The following PLK1 variants were observed in gnomAD, a reference collection of about 807,000 sequenced individuals.
PLK1 encodes serine/threonine-protein kinase PLK1.
In PLK1, 6 loss-of-function variants were observed where a neutral mutation model predicts 56.7. The ratio of observed to expected loss-of-function variants is 0.11; its 90% confidence interval spans 0.06 to 0.21. The LOEUF (loss-of-function observed/expected upper bound fraction) is 0.21. Among genes scored for constraint, PLK1 ranks in the 10% least tolerant of loss-of-function variants. The probability of loss-of-function intolerance (pLI) is 1.00; values close to 1 mark genes in which losing one functional copy is unlikely to be tolerated. For missense variants in PLK1, 546 were observed against 814.4 expected, an observed-to-expected ratio of 0.67 and a Z score of 4.01; for synonymous variants, 298 against 325.0, an observed-to-expected ratio of 0.92 and a Z score of 0.89.
chr16:23,680,557 TC>T (rs1334270765), intron 2 of PLK1, among the ~76,000 whole-genome samples: 1 of 152,196 alleles, frequency 6.6e-6, no homozygotes, highest in Non-Finnish European at 1.5e-5. Flanking sequence ...AAAACAGCTG[TC>T]CCCTTCAGAC....
In PLK1 at chr16:23,683,990, C is replaced by T. The variant is rs145066711; in HGVS notation, c.937C>T (p.Arg313Cys). The change falls in exon 5 of 10, where the codon CGT becomes TGT. Residue 313 changes from arginine to cysteine, a missense_variant. Around this residue, in one of 7 missense-constraint regions of PLK1, gnomAD observed 157 missense variants for 184.0 expected, o/e 0.85. Transcript: ENST00000300093. ...CTTTACTTCTGGCTATATCCCTGCC[C>T]GTCTCCCCATCACCTGCCTGACCAT... ...EFFTSGYIPARLPITCLTIPP... is the reference protein window; with the variant it reads ...EFFTSGYIPACLPITCLTIPP... The T allele has an allele frequency of 2.0e-5, 32 of 1,614,058 alleles. No homozygotes were observed. Among genetic ancestry groups the T allele is most frequent in the South Asian group, 1.1e-5 (1 of 91,086 alleles).
At chr16:23,688,179 TGATGTG>T (rs1284171509) in intron 6 of PLK1, among the ~76,000 whole-genome samples, 1 of 152,250 alleles carries the variant, frequency 6.6e-6, no homozygotes, top group Non-Finnish European at 1.5e-5. Flanking sequence ...CGTAACATTT[TGATGTG>T]TTTGCAACTG....
intron 5 of PLK1, chr16:23,687,045 C>T (rs1959438755): frequency 6.5e-6 from 1 of 153,070 alleles, no homozygotes; most frequent in South Asian, 2.1e-4. Flanking sequence ...GCATATAAAG[C>T]AAATTTTGGG....
Position 23,689,564 on chromosome 16 carries a change from C to A in PLK1, c.1496C>A (p.Pro499Gln). The A allele has an allele frequency of 6.2e-7, 1 of 1,613,686 alleles. No homozygotes were observed. The highest frequency in any genetic ancestry group is 8.5e-7 in the Non-Finnish European group (1 of 1,179,892). The change falls in exon 9 of 10, where the codon CCG (proline) becomes CAG (glutamine). Residue 499 changes from proline (P) to glutamine (Q), a missense_variant. Around this residue, in one of 7 missense-constraint regions of PLK1, gnomAD observed 113 missense variants for 202.0 expected, o/e 0.56. Coordinates refer to ENST00000300093, the MANE Select transcript of PLK1 (RefSeq NM_005030.6). This position sits in a 1 kb window ranked among gnomAD's most constrained non-coding sequence, Gnocchi z 4.8. ...CTGAAGGCAGGTGCCAACATCACGC[C>A]GCGCGAAGGTGATGAGCTCGCCCGG... The part of the protein sequence containing the change: ...HLLKAGANIT[P>Q]REGDELARLP...
intron 1 of PLK1, chr16:23,679,741 G>C (rs963253464): frequency 3.5e-6 from 1 of 282,944 alleles, no homozygotes; most frequent in African/African-American, 2.2e-5. Flanking sequence ...CAGACTTCGG[G>C]CCTTCCGGGG....
intron 4 of PLK1, among the ~76,000 whole-genome samples, chr16:23,683,206 A>G (rs148829409): frequency 0.018 from 2,683 of 151,640 alleles, 81 homozygotes; most frequent in Admixed American, 0.069. Flanking sequence ...GTTAGCCAGG[A>G]TGGTCTCGAT....
Position 23,680,271 on chromosome 16 carries a change from A to G in PLK1, c.577+19A>G, listed in dbSNP as rs2140997524. The G allele has an allele frequency of 2.5e-6, 4 of 1,612,170 alleles. No individual in the cohort carries two copies. In the East Asian group the frequency reaches 6.7e-5, roughly 27 times the overall value. On this transcript the variant is annotated intron_variant, in intron 2 of 9. Transcript: ENST00000300093. Reference sequence around the variant, plus strand: ...AAAATAGGTGAGTTGCTGAGCCTGCAGGGGTGCTTGACATCACTACAAGAG... The same window carrying G: ...AAAATAGGTGAGTTGCTGAGCCTGCGGGGGTGCTTGACATCACTACAAGAG...
At position 23,683,908 on chromosome 16, in the gene PLK1, G is replaced by T; in HGVS notation, c.855G>T (p.Met285Ile). The change falls in exon 5 of 10, where the codon ATG becomes ATT. Residue 285 changes from methionine to isoleucine, a missense_variant. This residue lies in a region of PLK1 where 157 missense variants were observed against 184.0 expected (regional missense o/e 0.85). Coordinates refer to ENST00000300093, the MANE Select transcript of PLK1 (RefSeq NM_005030.6). Reference sequence around the variant, plus strand: ...TGGCCGCCTCCCTCATCCAGAAGATGCTTCAGACAGATCCCACTGCCCGCC... The same window carrying T: ...TGGCCGCCTCCCTCATCCAGAAGATTCTTCAGACAGATCCCACTGCCCGCC... ...NPVAASLIQK[M>I]LQTDPTARPT... 6.2e-7 allele frequency: 1 copy of T among 1,614,100 alleles called. No homozygotes were observed. Among genetic ancestry groups the T allele is most frequent in the East Asian group, 2.2e-5 (1 of 44,880 alleles).
chr16:23,687,036 CA>C (rs1959438642), intron 5 of PLK1: 1 of 152,730 alleles, frequency 6.5e-6, no homozygotes, highest in Non-Finnish European at 1.5e-5. Flanking sequence ...TATAAATAAG[CA>C]TATAAAGCAA....
In PLK1 at chr16:23,679,129, A is replaced by G. The variant is rs1959282738; in HGVS notation, c.197A>G (p.Lys66Arg). The change falls in exon 1 of 10, where the codon AAG becomes AGG. Residue 66 changes from lysine to arginine, a missense_variant. Physicochemically the swap from Lys to Arg is conservative, Grantham distance 26. This residue lies in a region of PLK1 where 111 missense variants were observed against 211.8 expected (regional missense o/e 0.52). Transcript: ENST00000300093. ...TTTTTGGGCAAGGGCGGCTTTGCCAAGTGCTTCGAGATCTCGGACGCGGAC... is the reference window on the plus strand; with the variant it reads ...TTTTTGGGCAAGGGCGGCTTTGCCAGGTGCTTCGAGATCTCGGACGCGGAC... ...GRFLGKGGFA[K>R]CFEISDADTK... The G allele has an allele frequency of 1.1e-5, 17 of 1,612,140 alleles. No individual in the cohort carries two copies. The highest frequency in any genetic ancestry group is 1.3e-5 in the Non-Finnish European group (15 of 1,178,500).
rs762684184 is a variant in PLK1 at position 23,679,247 on chromosome 16, C to T, written c.315C>T (p.His105=). The part of the protein sequence containing the change: ...REKMSMEISI[H]RSLAHQHVVG... ...AGATGTCCATGGAAATATCCATTCA[C>T]CGCAGCCTCGCCCACCAGCACGTCG... The change falls in exon 1 of 10, where the codon CAC becomes CAT. Residue 105 remains histidine (H), a synonymous_variant. Coordinates refer to ENST00000300093, the MANE Select transcript of PLK1 (RefSeq NM_005030.6). 2.0e-5 allele frequency: 33 copies of T among 1,614,032 alleles called. No homozygotes were observed. Among genetic ancestry groups the T allele is most frequent in the Non-Finnish European group, 2.7e-5 (32 of 1,180,036 alleles).
In PLK1 at chr16:23,679,055, G is replaced by A. The variant is rs764715667; in HGVS notation, c.123G>A (p.Pro41=). 5.6e-6 allele frequency: 9 copies of A among 1,607,740 alleles called. No homozygotes were observed. The highest frequency in any genetic ancestry group is 3.4e-6 in the Non-Finnish European group (4 of 1,175,878). ...CGGCTCCACCGGCGAAAGAGATCCCGGAGGTCCTAGTGGACCCACGCAGCC... is the reference window on the plus strand; with the variant it reads ...CGGCTCCACCGGCGAAAGAGATCCCAGAGGTCCTAGTGGACCCACGCAGCC... ...PAAAPPAKEI[P]EVLVDPRSRR... Residue 41 remains proline, a synonymous_variant, in exon 1 of 10, where the codon CCG becomes CCA. Coordinates refer to ENST00000300093, the MANE Select transcript of PLK1 (RefSeq NM_005030.6).
At position 23,678,932 on chromosome 16, in the gene PLK1, C is replaced by T. The variant is rs113428323; in HGVS notation, c.-1C>T. The T allele has an allele frequency of 2.1e-3, 3,281 of 1,526,828 alleles. 62 individuals are homozygous for T. In the African/African-American group the frequency reaches 0.04, roughly 19 times the overall value. 94.6% of individuals were successfully genotyped at this position (1,526,828 alleles called of 1,614,324 possible). On this transcript the variant is annotated 5_prime_UTR_variant, in exon 1 of 10. Transcript: ENST00000300093. ...GAGGTCTGCAGCGCAGCTTCGGGAG[C>T]ATGAGTGCTGCAGTGACTGCAGGGA... is the stretch of plus-strand genomic sequence containing the variant.
rs761542345 is a variant in PLK1 at position 23,684,056 on chromosome 16, A to C, written c.1003A>C (p.Ser335Arg). The change falls in exon 5 of 10, where the codon AGC (serine) becomes CGC (arginine). Residue 335 changes from serine to arginine, a missense_variant. Coordinates refer to ENST00000300093, the MANE Select transcript of PLK1 (RefSeq NM_005030.6). ...FSIAPSSLDPSNRKPLTVLNK... is the reference protein window; with the variant it reads ...FSIAPSSLDPRNRKPLTVLNK... Reference sequence around the variant, plus strand: ...GATTGCTCCCAGCAGCCTGGACCCCAGCAACCGGAAGCCCCTCACAGTCCT... The same window carrying C: ...GATTGCTCCCAGCAGCCTGGACCCCCGCAACCGGAAGCCCCTCACAGTCCT... 5.5e-5 allele frequency: 89 copies of C among 1,614,058 alleles called. No individual in the cohort carries two copies. Among genetic ancestry groups the C allele is most frequent in the Middle Eastern group, 3.3e-4 (2 of 6,084 alleles).
chr16:23,689,312 G>T lies in PLK1; in HGVS notation c.1345G>T (p.Asp449Tyr). The T allele has an allele frequency of 6.2e-7, 1 of 1,614,054 alleles. No individual in the cohort carries two copies. Among genetic ancestry groups the T allele is most frequent in the Non-Finnish European group, 8.5e-7 (1 of 1,179,914 alleles). Residue 449 changes from aspartate (D) to tyrosine (Y), a missense_variant, in exon 8 of 10, where the codon GAC becomes TAC. By Grantham distance (160) the Asp-to-Tyr change is radical (BLOSUM62 -3). Around this residue, in one of 7 missense-constraint regions of PLK1, gnomAD observed 113 missense variants for 202.0 expected, o/e 0.56. Coordinates refer to ENST00000300093, the MANE Select transcript of PLK1 (RefSeq NM_005030.6). This position sits in a 1 kb window ranked among gnomAD's most constrained non-coding sequence, Gnocchi z 4.8. ...STRLILYNDG[D>Y]SLQYIERDGT... ...ACGCCTCATCCTCTACAATGATGGT[G>T]ACAGCCTGCAGTACATAGAGCGTGA...
In PLK1 at chr16:23,683,738, G is replaced by A. The variant is rs567739698; in HGVS notation, c.817-132G>A. 94 of 730,788 alleles carry A rather than the reference G, an allele frequency of 1.3e-4. 1 individual carries two copies. The South Asian group carries it at 1.5e-3, about 12-fold the overall frequency. 45.3% of individuals were successfully genotyped at this position (730,788 alleles called of 1,614,324 possible). On this transcript the variant is annotated intron_variant, in intron 4 of 9. Coordinates refer to ENST00000300093, the MANE Select transcript of PLK1 (RefSeq NM_005030.6). Reference sequence around the variant, plus strand: ...AGAACTTGGCATTGAACCAAGTTGTGAACCACTGACCTGTGGTGTATTTGA... The same window carrying A: ...AGAACTTGGCATTGAACCAAGTTGTAAACCACTGACCTGTGGTGTATTTGA...
At chr16:23,687,357 C>T (rs1356572925) in intron 5 of PLK1, 112 bp from the exon 6 acceptor site, 1 of 843,278 alleles carries the variant, frequency 1.2e-6, no homozygotes, top group Non-Finnish European at 1.8e-6. Context: ...GGCACTGATT[C>T]AGTTTCCCCA....
In PLK1 at chr16:23,689,751, G is replaced by A; in HGVS notation, c.1608+75G>A. On this transcript the variant is annotated intron_variant, in intron 9 of 9. Coordinates refer to ENST00000300093, the MANE Select transcript of PLK1 (RefSeq NM_005030.6). The surrounding 1 kb of genome is among the most constrained non-coding windows in gnomAD (Gnocchi z 4.8). Reference sequence around the variant, plus strand: ...TGCCTGGCAGTGGCCCATGTGGGTTGAATGTGGAGTGAGCGGCTCAGGTAC... The same window carrying A: ...TGCCTGGCAGTGGCCCATGTGGGTTAAATGTGGAGTGAGCGGCTCAGGTAC... The A allele has an allele frequency of 1.9e-6, 3 of 1,539,726 alleles. No homozygotes were observed. The African/African-American group carries it at 4.1e-5, about 21-fold the overall frequency.
chr16:23,687,661 T>C (rs766575597), intron 6 of PLK1, 37 bp downstream of exon 6: 4 of 1,468,258 alleles, frequency 2.7e-6, no homozygotes, highest in African/African-American at 1.4e-5. Context: ...GCAGGATTGC[T>C]TGGGGCATCT....
Sources: allele counts gnomAD v4.1 joint callset (sites outside exome capture counted in the v4.1 genomes callset), GRCh38; gene constraint gnomAD v4.1.1; regional missense constraint gnomAD v4.1.1; non-coding constraint Gnocchi (gnomAD v3.1); transcripts MANE v1.5; gene names NCBI Gene and HGNC (gene_info 2026-07-23, HGNC 2026-07-21).